The following USP46 variants were observed in gnomAD, a reference collection of about 807,000 sequenced individuals.
The protein encoded by USP46 is ubiquitin specific peptidase 46.
In USP46, 12 loss-of-function variants were observed where a neutral mutation model predicts 44.4. That is an observed-to-expected ratio of 0.27 (90% CI 0.17 to 0.44). The LOEUF (loss-of-function observed/expected upper bound fraction) is 0.44, where lower values mean the gene tolerates loss of function less well. Among genes scored for constraint, USP46 ranks in the 20% least tolerant of loss-of-function variants. The probability of loss-of-function intolerance (pLI) is 1.00; values close to 1 mark genes in which losing one functional copy is unlikely to be tolerated. For missense variants in USP46, 248 were observed against 444.8 expected, an observed-to-expected ratio of 0.56 and a Z score of 3.98; for synonymous variants, 155 against 161.5, an observed-to-expected ratio of 0.96 and a Z score of 0.31.
intron 5 of USP46, among the ~76,000 whole-genome samples, chr4:52,609,805 C>T (rs558869748): frequency 6.7e-6 from 1 of 149,222 alleles, no homozygotes; most frequent in Non-Finnish European, 1.5e-5. Flanking sequence ...TTTCCAAGTG[C>T]CTCTAGCCTG....
At chr4:52,647,238 T>G (rs144042648) in intron 1 of USP46, among the ~76,000 whole-genome samples, 1 of 152,236 alleles carries the variant, frequency 6.6e-6, no homozygotes, top group African/African-American at 2.4e-5. Context: ...GTATACTCTA[T>G]GTACTCTTTG....
chr4:52,611,601 T>C (rs562706262), intron 4 of USP46, among the ~76,000 whole-genome samples: 2 of 152,232 alleles, frequency 1.3e-5, no homozygotes, highest in South Asian at 2.1e-4. Context: ...GAAGTACAAA[T>C]GGGGGCCAGG....
At chr4:52,624,552 G>C (rs1717502674) in intron 4 of USP46, among the ~76,000 whole-genome samples, 1 of 152,142 alleles carries the variant, frequency 6.6e-6, no homozygotes, top group Non-Finnish European at 1.5e-5. Context: ...TTAAAAGCAT[G>C]GAAGAAAGAC....
At position 52,659,141 on chromosome 4, in the gene USP46, G is replaced by T; in HGVS notation, c.10C>A (p.Arg4=). The change falls in exon 1 of 9, where the codon CGA becomes AGA. Residue 4 remains arginine, a synonymous_variant. Coordinates refer to ENST00000441222, the MANE Select transcript of USP46 (RefSeq NM_022832.4). This position sits in a 1 kb window ranked among gnomAD's most constrained non-coding sequence, Gnocchi z 4.2. MTV[R]NIASICNMGT... ...ATATTACAGATGGAGGCGATGTTTC[G>T]GACAGTCATTAGTCTAAAGGTTGCA... is the stretch of plus-strand genomic sequence containing the variant. 6.4e-7 allele frequency: 1 copy of T among 1,568,838 alleles called. No individual in the cohort carries two copies. Among genetic ancestry groups the T allele is most frequent in the Non-Finnish European group, 8.6e-7 (1 of 1,158,678 alleles).
Position 52,641,308 on chromosome 4 carries a change from G to C in USP46, c.37-10164C>G, listed in dbSNP as rs139470173. On this transcript the variant is annotated intron_variant, in intron 1 of 8. Coordinates refer to ENST00000441222, the MANE Select transcript of USP46 (RefSeq NM_022832.4). ...AAAACGTAGTAACCTTTGAAAAACA[G>C]TGCAGCCAACTTTATTAAAAATAGC... 4.3e-4 allele frequency among the ~76,000 whole-genome samples: 65 copies of C among 152,198 alleles called. 2 individuals carry two copies. The East Asian group carries it at 0.012, about 29-fold the overall frequency.
chr4:52,600,784 A>G (rs1716437729), intron 7 of USP46, among the ~76,000 whole-genome samples: 1 of 152,126 alleles, frequency 6.6e-6, no homozygotes, highest in Admixed American at 6.5e-5. Context: ...GTGAGGCCTC[A>G]TCCAGTGCTC....
At chr4:52,638,259 G>A (rs1444046787) in intron 1 of USP46, among the ~76,000 whole-genome samples, 4 of 152,182 alleles carry the variant, frequency 2.6e-5, no homozygotes, top group African/African-American at 4.8e-5. Flanking sequence ...GAGGTCAGAC[G>A]GAGAGACTGA....
chr4:52,642,112 G>GTGA (rs1317929486), intron 1 of USP46, among the ~76,000 whole-genome samples: 1 of 152,172 alleles, frequency 6.6e-6, no homozygotes, highest in Non-Finnish European at 1.5e-5. Flanking sequence ...CAAAAATGAA[G>GTGA]TGACTCAGCC....
intron 1 of USP46, among the ~76,000 whole-genome samples, chr4:52,632,913 AGAAAG>A (rs1157992006): frequency 1.8e-5 from 2 of 113,426 alleles, no homozygotes; most frequent in African/African-American, 8.1e-5. Flanking sequence ...AGAGAAAGAA[AGAAAG>A]AGAAAGAAAG....
chr4:52,654,958 G>A lies in USP46; in HGVS notation c.36+4157C>T, dbSNP rs553180806. Among the ~76,000 whole-genome samples, 189 of 152,182 alleles carry A rather than the reference G, an allele frequency of 1.2e-3. 1 individual carries two copies. The highest frequency in any genetic ancestry group is 1.4e-3 in the Admixed American group (21 of 15,294). The stretch of plus-strand genomic sequence containing the variant: ...CAAGATGAGAAAAACTAAGGTCTCC[G>A]GAAATACAACAGTTTGCCCAAAAGC... On this transcript the variant is annotated intron_variant, in intron 1 of 8. Coordinates refer to ENST00000441222, the MANE Select transcript of USP46 (RefSeq NM_022832.4).
At chr4:52,630,983 A>T in intron 2 of USP46, 81 bp downstream of exon 2, 1 of 1,122,852 alleles carries the variant, frequency 8.9e-7, no homozygotes, top group Non-Finnish European at 1.3e-6. Flanking sequence ...AAAAATTGGT[A>T]GTGATAAAAA....
chr4:52,603,042 A>G (rs986682783), intron 6 of USP46, among the ~76,000 whole-genome samples: 1 of 152,242 alleles, frequency 6.6e-6, no homozygotes, highest in Non-Finnish European at 1.5e-5. Flanking sequence ...GTATGTGAAA[A>G]AGACAAATTT....
intron 1 of USP46, among the ~76,000 whole-genome samples, chr4:52,645,553 G>C (rs889541085): frequency 7.9e-5 from 12 of 152,176 alleles, no homozygotes; most frequent in African/African-American, 2.9e-4. Flanking sequence ...ACTGAACTCA[G>C]TGAGCTAGAA....
At chr4:52,633,042 T>A in intron 1 of USP46, among the ~76,000 whole-genome samples, 2 of 141,642 alleles carry the variant, frequency 1.4e-5, no homozygotes, top group African/African-American at 5.2e-5. Flanking sequence ...GAAAGGTAAG[T>A]TTCATTTTTA....
chr4:52,618,042 G>A (rs1330649130), intron 4 of USP46, among the ~76,000 whole-genome samples: 1 of 152,142 alleles, frequency 6.6e-6, no homozygotes, highest in Non-Finnish European at 1.5e-5. Context: ...TACAGAAAGG[G>A]TATACCTTAT....
intron 1 of USP46, among the ~76,000 whole-genome samples, chr4:52,650,083 A>G (rs973176360): frequency 1.3e-5 from 2 of 152,242 alleles, no homozygotes; most frequent in African/African-American, 4.8e-5. Context: ...TCCTAAAAGC[A>G]GCATATTGAC....
At position 52,594,647 on chromosome 4, in the gene USP46, C is replaced by G. The variant is rs1284055811; in HGVS notation, c.*2993G>C. 1 of 152,156 alleles carries G rather than the reference C, an allele frequency of 6.6e-6. No individual in the cohort carries two copies. The highest frequency in any genetic ancestry group is 2.4e-5 in the African/African-American group (1 of 41,414). The allele number at this position is 152,156 out of a possible 1,614,324, so 9.4% of individuals were successfully genotyped here. A position where few individuals can be genotyped will look rare whatever the true frequency, so the allele number is the denominator to read the frequency against. On this transcript the variant is annotated 3_prime_UTR_variant, in exon 9 of 9. Transcript: ENST00000441222. ...AATCCATCTGTAATAAAGCTACACT[C>G]CAATATCTAAAATAAGCCCTAAGCT...
At chr4:52,608,374 C>T (rs2109603907) in intron 5 of USP46, among the ~76,000 whole-genome samples, 1 of 152,266 alleles carries the variant, frequency 6.6e-6, no homozygotes, top group Non-Finnish European at 1.5e-5. Context: ...CGATAATTTC[C>T]ATGTCATGAT....
chr4:52,658,532 G>A (rs1577706099), intron 1 of USP46, among the ~76,000 whole-genome samples: 1 of 152,212 alleles, frequency 6.6e-6, no homozygotes, highest in Admixed American at 6.5e-5. Context: ...GGAAACTGAG[G>A]CATGCGGAGC....
Sources: gnomAD v4.1 joint callset for allele counts (sites outside exome capture counted in the v4.1 genomes callset) on GRCh38, gnomAD v4.1.1 for gene constraint, Gnocchi (gnomAD v3.1) non-coding constraint, MANE v1.5 for transcripts, NCBI Gene and HGNC (gene_info 2026-07-23, HGNC 2026-07-21) for gene names.